The following PDIA3 variants were observed in gnomAD, a reference collection of about 807,000 sequenced individuals.
PDIA3 encodes protein disulfide isomerase family A member 3.
In PDIA3, 16 loss-of-function variants were observed where a neutral mutation model predicts 56.9. The ratio of observed to expected loss-of-function variants is 0.28; its 90% CI spans 0.19 to 0.43. The LOEUF (loss-of-function observed/expected upper bound fraction) is 0.43. Among genes scored for constraint, PDIA3 ranks in the 20% least tolerant of loss-of-function variants. The pLI is 1.00. For missense variants in PDIA3, 485 were observed against 621.3 expected (o/e 0.78, Z 2.33); for synonymous variants, 192 against 216.5 (o/e 0.89, Z 0.99).
chr15:43,758,245 C>T (rs866412229), intron 3 of PDIA3, among the ~76,000 whole-genome samples: 10 of 151,644 alleles, frequency 6.6e-5, no homozygotes, highest in Admixed American at 3.3e-4. Flanking sequence ...CTCAAAACAA[C>T]AACAACAACA....
intron 8 of PDIA3, among the ~76,000 whole-genome samples, chr15:43,767,115 C>T (rs970702868): frequency 6.6e-6 from 1 of 152,010 alleles, no homozygotes; most frequent in Non-Finnish European, 1.5e-5. Context: ...TTTGGGAGGC[C>T]AAGGCAGGTG....
chr15:43,748,582 C>T (rs749554645), intron 1 of PDIA3, among the ~76,000 whole-genome samples: 21 of 152,328 alleles, frequency 1.4e-4, no homozygotes, highest in African/African-American at 4.1e-4. Context: ...CAGGCACTGA[C>T]TGTCCCAAGA....
intron 12 of PDIA3, 120 bp from the exon 13 acceptor site, chr15:43,770,985 C>T: frequency 4.5e-6 from 3 of 666,440 alleles, no homozygotes; most frequent in Non-Finnish European, 7.9e-6. Flanking sequence ...TTTAAACTCT[C>T]ATGGGCAGTA....
rs778130683 is a variant in PDIA3 at position 43,766,910 on chromosome 15, C to T, written c.1028C>T (p.Ser343Leu). 24 of 1,613,626 alleles carry T rather than the reference C, an allele frequency of 1.5e-5. No individual in the cohort carries two copies. Among genetic ancestry groups the T allele is most frequent in the Non-Finnish European group, 2.0e-5 (24 of 1,179,762 alleles). ...AAGTTTGTCATGCAGGAGGAGTTCT[C>T]GTGAGTTGCTAGTTGGGCTTTGATT... is the stretch of plus-strand genomic sequence containing the variant. ...GEKFVMQEEF[S>L]RDGKALERFL... The change falls in exon 8 of 13, where the codon TCG (serine) becomes TTG (leucine). Residue 343 changes from serine to leucine, a missense_variant and splice_region_variant. By Grantham distance (145) the Ser-to-Leu change is moderately radical. Coordinates refer to ENST00000300289, the MANE Select transcript of PDIA3 (RefSeq NM_005313.5).
In PDIA3 at chr15:43,763,006, C is replaced by T. The variant is rs1446835580; in HGVS notation, c.473-71C>T. The T allele has an allele frequency of 1.9e-5, 28 of 1,445,868 alleles. No individual in the cohort carries two copies. In the East Asian group the frequency reaches 2.1e-4, roughly 11 times the overall value. The allele number at this position is 1,445,868 out of a possible 1,614,324, so 89.6% of individuals were successfully genotyped here. A position where few individuals can be genotyped will look rare whatever the true frequency, so the allele number is the denominator to read the frequency against. On this transcript the variant is annotated intron_variant, in intron 4 of 12. Transcript: ENST00000300289. Reference sequence around the variant, plus strand: ...AAATGTTTATGGTTTATGGAATAGACGTTTATGGTTTGGAATGTCCATCTG... The same window carrying T: ...AAATGTTTATGGTTTATGGAATAGATGTTTATGGTTTGGAATGTCCATCTG...
intron 1 of PDIA3, among the ~76,000 whole-genome samples, chr15:43,749,565 A>G (rs2086730369): frequency 6.6e-6 from 1 of 152,144 alleles, no homozygotes; most frequent in Admixed American, 6.6e-5. Flanking sequence ...AGGCCAAGGC[A>G]GGCAGATCAC....
chr15:43,766,668 T>C, intron 7 of PDIA3, 60 bp from the exon 8 acceptor site: 2 of 1,373,628 alleles, frequency 1.5e-6, no homozygotes, highest in Non-Finnish European at 2.0e-6. Context: ...TGCTTCTTAG[T>C]TTCAAAAGTG....
At chr15:43,757,431 G>C (rs906206925) in intron 3 of PDIA3, among the ~76,000 whole-genome samples, 1 of 151,762 alleles carries the variant, frequency 6.6e-6, no homozygotes, top group Non-Finnish European at 1.5e-5. Flanking sequence ...GGTGGCGGGC[G>C]CCTGTAGTCC....
At chr15:43,769,394 G>C (rs747985302) in intron 9 of PDIA3, 124 bp from the exon 10 acceptor site, 78 of 801,260 alleles carry the variant, frequency 9.7e-5, no homozygotes, top group Non-Finnish European at 1.3e-4. Flanking sequence ...AATGTGATTT[G>C]GGTTTCCATG....
chr15:43,757,991 TCCTAG>T (rs1388247278), intron 3 of PDIA3, among the ~76,000 whole-genome samples: 2 of 150,980 alleles, frequency 1.3e-5, no homozygotes, highest in Non-Finnish European at 2.9e-5. Context: ...ACGCCTGTAA[TCCTAG>T]CACTTTGGGA....
chr15:43,768,663 T>C (rs1333496758), intron 9 of PDIA3, 66 bp downstream of exon 9: 11 of 1,072,680 alleles, frequency 1.0e-5, no homozygotes, highest in Admixed American at 3.5e-5. Flanking sequence ...GTTCCAAAAC[T>C]GTGGGGTCTA....
At chr15:43,751,661 T>C (rs1334020948) in intron 1 of PDIA3, 9 of 1,304,070 alleles carry the variant, frequency 6.9e-6, no homozygotes, top group South Asian at 6.2e-5. Context: ...GATGACCTTA[T>C]GGATATTGCC....
intron 12 of PDIA3, 134 bp downstream of exon 12, chr15:43,770,714 G>A: frequency 1.5e-6 from 1 of 674,406 alleles, no homozygotes; most frequent in Admixed American, 2.5e-5. Flanking sequence ...TGTTGCCTGG[G>A]CTGGAGTGCA....
intron 3 of PDIA3, among the ~76,000 whole-genome samples, chr15:43,757,435 G>A (rs1180039005): frequency 2.0e-5 from 3 of 151,690 alleles, no homozygotes; most frequent in Non-Finnish European, 2.9e-5. Flanking sequence ...GCGGGCGCCT[G>A]TAGTCCTAGC....
At position 43,760,841 on chromosome 15, in the gene PDIA3, T is replaced by C. The variant is rs146344553; in HGVS notation, c.365-583T>C. On this transcript the variant is annotated intron_variant, in intron 3 of 12. Transcript: ENST00000300289. ...CCACAGCACCCGGCCAAAAAAACTT[T>C]TTAATAATAATAAAAAACGCTATGC... 7.9e-5 allele frequency among the ~76,000 whole-genome samples: 12 copies of C among 151,916 alleles called. No homozygotes were observed. In the East Asian group the frequency reaches 2.3e-3, roughly 30 times the overall value.
At chr15:43,753,976 C>A in intron 2 of PDIA3, 74 bp downstream of exon 2, 1 of 992,858 alleles carries the variant, frequency 1.0e-6, no homozygotes, top group Non-Finnish European at 1.6e-6. Context: ...AGCTTTGTTA[C>A]ATGGAAAAAA....
In PDIA3 at chr15:43,769,631, A is replaced by G. The variant is rs2141657850; in HGVS notation, c.1251A>G (p.Lys417=). The G allele has an allele frequency of 6.2e-7, 1 of 1,613,986 alleles. No homozygotes were observed. The highest frequency in any genetic ancestry group is 2.2e-5 in the East Asian group (1 of 44,884). Residue 417 remains lysine (K), a synonymous_variant, in exon 10 of 13, where the codon AAA becomes AAG. Coordinates refer to ENST00000300289, the MANE Select transcript of PDIA3 (RefSeq NM_005313.5). The stretch of plus-strand genomic sequence containing the variant: ...GTAAGAACCTGGAGCCCAAGTATAA[A>G]GAACTTGGCGAGAAGGTAAGTGTGA... ...GHCKNLEPKY[K]ELGEKLSKDP...
chr15:43,757,050 G>A (rs140088897), intron 3 of PDIA3, among the ~76,000 whole-genome samples: 4 of 152,264 alleles, frequency 2.6e-5, no homozygotes, highest in Admixed American at 6.5e-5. Flanking sequence ...ATACTAGGTC[G>A]TTGGCATTTA....
At chr15:43,761,577 T>G (rs1260367353) in intron 4 of PDIA3, 46 bp downstream of exon 4, 2 of 1,038,586 alleles carry the variant, frequency 1.9e-6, no homozygotes, top group Non-Finnish European at 3.0e-6. Flanking sequence ...TCAGTTTGGT[T>G]TCCAAAACCC....
Sources: allele counts gnomAD v4.1 joint callset (sites outside exome capture counted in the v4.1 genomes callset), GRCh38; gene constraint gnomAD v4.1.1; transcripts MANE v1.5; gene names NCBI Gene and HGNC (gene_info 2026-07-23, HGNC 2026-07-21).